The following WASHC3 variants were observed in gnomAD, a reference collection of about 807,000 sequenced individuals.
The protein encoded by WASHC3 is WASH complex subunit CCDC53.
A neutral mutation model predicts 26.1 loss-of-function variants in WASHC3; 24 were observed. The observed-to-expected ratio is 0.92, with a 90% CI of 0.66 to 1.29. The LOEUF is 1.29. Among genes scored for constraint, WASHC3 ranks in the 50% most tolerant of loss-of-function variants. WASHC3 has a pLI of 0.00. For missense variants in WASHC3, 214 were observed against 229.6 expected, an observed-to-expected ratio of 0.93 and a Z score of 0.44; for synonymous variants, 77 against 75.7, an observed-to-expected ratio of 1.02 and a Z score of -0.09.
intron 4 of WASHC3, chr12:102,040,493 G>A (rs561488376): frequency 6.1e-4 from 93 of 152,086 alleles, no homozygotes; most frequent in African/African-American, 1.7e-3. Context: ...AATTTTTGGA[G>A]AAGTTGTAAA....
chr12:102,031,060 T>C (rs116960546), intron 5 of WASHC3, among the ~76,000 whole-genome samples: 2 of 152,252 alleles, frequency 1.3e-5, no homozygotes, highest in East Asian at 3.9e-4. Flanking sequence ...CAAGGCAACA[T>C]GGAGGGTTCA....
chr12:102,031,743 C>T (rs1877446631), intron 5 of WASHC3, among the ~76,000 whole-genome samples: 2 of 151,896 alleles, frequency 1.3e-5, no homozygotes, highest in African/African-American at 4.8e-5. Flanking sequence ...GATTAGTAAA[C>T]CTTAGGTATT....
At position 102,061,948 on chromosome 12, in the gene WASHC3, C is replaced by T. The variant is rs1192114339; in HGVS notation, c.15G>A (p.Gly5=). Residue 5 remains glycine (G), a synonymous_variant, in exon 1 of 7, where the codon GGG becomes GGA. Coordinates refer to ENST00000240079, the MANE Select transcript of WASHC3 (RefSeq NM_016053.4). The part of the protein sequence containing the change: MDED[G]LPLMGSGIDL... ...CTATGCCTGACCCCATGAGAGGAAG[C>T]CCGTCCTCATCCATCTCCTCAGCGG... 1.2e-6 allele frequency: 2 copies of T among 1,600,746 alleles called. No individual in the cohort carries two copies. The highest frequency in any genetic ancestry group is 1.7e-6 in the Non-Finnish European group (2 of 1,173,048).
At chr12:102,018,550 A>G (rs1237642125) in intron 6 of WASHC3, among the ~76,000 whole-genome samples, 1 of 150,666 alleles carries the variant, frequency 6.6e-6, no homozygotes, top group Admixed American at 6.6e-5. Flanking sequence ...AGAGCTCACT[A>G]TAGCCTCAGC....
At chr12:102,032,914 T>A (rs542257935) in intron 5 of WASHC3, among the ~76,000 whole-genome samples, 11 of 152,138 alleles carry the variant, frequency 7.2e-5, no homozygotes, top group South Asian at 2.1e-4. Context: ...AGGGTAGTAA[T>A]CCAGCAGTGA....
intron 2 of WASHC3, among the ~76,000 whole-genome samples, chr12:102,047,009 T>A (rs1356062932): frequency 6.6e-6 from 1 of 152,162 alleles, no homozygotes; most frequent in African/African-American, 2.4e-5. Context: ...AAATCTACTA[T>A]CAAAATGCAA....
intron 2 of WASHC3, among the ~76,000 whole-genome samples, chr12:102,047,545 A>G (rs1878215068): frequency 6.6e-6 from 1 of 152,236 alleles, no homozygotes; most frequent in African/African-American, 2.4e-5. Context: ...TATAACATGT[A>G]TTATGAATGA....
At chr12:102,046,018 C>A in intron 3 of WASHC3, 36 bp downstream of exon 3, 1 of 1,279,034 alleles carries the variant, frequency 7.8e-7, no homozygotes, top group Admixed American at 2.0e-5. Context: ...ATATGCACAG[C>A]AAAGTTTATA....
intron 5 of WASHC3, among the ~76,000 whole-genome samples, chr12:102,034,784 G>A (rs1877583556): frequency 1.9e-5 from 1 of 52,400 alleles, no homozygotes; most frequent in Admixed American, 2.6e-4. Context: ...AAAAAAAAGT[G>A]TGTGTGTGTG....
At chr12:102,030,122 C>T (rs779315136) in intron 5 of WASHC3, among the ~76,000 whole-genome samples, 6 of 151,806 alleles carry the variant, frequency 4.0e-5, no homozygotes, top group Admixed American at 1.3e-4. Context: ...ATGGAGAAAC[C>T]GTGTCTCTAC....
chr12:102,060,219 C>T (rs1249616461), intron 2 of WASHC3, among the ~76,000 whole-genome samples: 4 of 152,200 alleles, frequency 2.6e-5, no homozygotes, highest in Non-Finnish European at 5.9e-5. Context: ...GCAATTTCAA[C>T]CCATGGTTCC....
rs779686979 is a variant in WASHC3 at position 102,046,049 on chromosome 12, C to T, written c.216+5G>A. 6.5e-7 allele frequency: 1 copy of T among 1,547,118 alleles called. No homozygotes were observed. The highest frequency in any genetic ancestry group is 1.7e-5 in the Admixed American group (1 of 57,208). ...TTATACTACAAATTATTGAGAAATACCAACCTTTGCATCTAAAATATTGAG... is the reference window on the plus strand; with the variant it reads ...TTATACTACAAATTATTGAGAAATATCAACCTTTGCATCTAAAATATTGAG... On this transcript the variant is annotated splice_donor_5th_base_variant and intron_variant, in intron 3 of 6. Transcript: ENST00000240079.
At chr12:102,046,406 C>T (rs1346157515) in intron 2 of WASHC3, among the ~76,000 whole-genome samples, 1 of 152,162 alleles carries the variant, frequency 6.6e-6, no homozygotes, top group Non-Finnish European at 1.5e-5. Flanking sequence ...AGTGATTCTC[C>T]TGCCTCAGCC....
intron 5 of WASHC3, among the ~76,000 whole-genome samples, chr12:102,037,488 A>G (rs1416457611): frequency 6.6e-6 from 1 of 152,216 alleles, no homozygotes; most frequent in Non-Finnish European, 1.5e-5. Context: ...ACAGACTTGA[A>G]GGAAGTGAGG....
rs1203404939 is a variant in WASHC3 at position 102,013,116 on chromosome 12, T to C, written c.577A>G (p.Ser193Gly). The C allele has an allele frequency of 6.8e-7, 1 of 1,471,408 alleles. No homozygotes were observed. Among genetic ancestry groups the C allele is most frequent in the African/African-American group, 1.4e-5 (1 of 71,834 alleles). 91.1% of individuals were successfully genotyped at this position (1,471,408 alleles called of 1,614,324 possible). A position where few individuals can be genotyped will look rare whatever the true frequency, so the allele number is the denominator to read the frequency against. ...TCTTATCAAAATTAAGCTTAATCAC[T>C]AAAAGAAGATTCGCTATCTGAACTT... is the stretch of plus-strand genomic sequence containing the variant. ...EESSDSESSF[S>G]D Residue 193 changes from serine to glycine, a missense_variant, in exon 7 of 7, where the codon AGT (serine) becomes GGT (glycine). By Grantham distance (56) the Ser-to-Gly change is moderately conservative. Transcript: ENST00000240079.
At chr12:102,014,603 G>A (rs1876619792) in intron 6 of WASHC3, among the ~76,000 whole-genome samples, 1 of 152,138 alleles carries the variant, frequency 6.6e-6, no homozygotes, top group South Asian at 2.1e-4. Flanking sequence ...TGCTGGCATT[G>A]CTCCCTAGTT....
At chr12:102,053,070 C>G (rs1565821235) in intron 2 of WASHC3, among the ~76,000 whole-genome samples, 1 of 151,984 alleles carries the variant, frequency 6.6e-6, no homozygotes, top group Non-Finnish European at 1.5e-5. Context: ...ACGGAGGCTG[C>G]AGGACCACTC....
chr12:102,051,792 A>C (rs1878403275), intron 2 of WASHC3, among the ~76,000 whole-genome samples: 2 of 152,262 alleles, frequency 1.3e-5, no homozygotes, highest in South Asian at 4.1e-4. Flanking sequence ...CTGTATCTGT[A>C]TGAGTGGGAT....
chr12:102,044,356 T>A (rs567361113), intron 3 of WASHC3, 144 bp from the exon 4 acceptor site: 2 of 381,472 alleles, frequency 5.2e-6, no homozygotes. Flanking sequence ...AAACTAAAAG[T>A]GAAAGACGGT....
Sources: gnomAD v4.1 joint callset for allele counts (sites outside exome capture counted in the v4.1 genomes callset) on GRCh38, gnomAD v4.1.1 for gene constraint, MANE v1.5 for transcripts, NCBI Gene and HGNC (gene_info 2026-07-23, HGNC 2026-07-21) for gene names.